SLC25A33: variants seen among roughly 807,000 people sequenced by gnomAD.
SLC25A33 encodes the protein solute carrier family 25 member 33.
In SLC25A33, 15 loss-of-function variants were observed where a neutral mutation model predicts 35.5. The observed-to-expected ratio is 0.42, with a 90% CI of 0.28 to 0.65. The LOEUF is 0.65. Ranked by LOEUF, SLC25A33 falls within the 30% of genes least tolerant of loss-of-function variation. The pLI is 0.20. For synonymous variants in SLC25A33, 136 were observed against 148.7 expected (o/e 0.91, Z 0.62); for missense variants, 257 against 398.5 (o/e 0.64, Z 3.02).
intron 5 of SLC25A33, 133 bp from the exon 6 acceptor site, chr1:9,579,821 A>G (rs1240089410): frequency 3.8e-6 from 4 of 1,061,950 alleles, no homozygotes; most frequent in Non-Finnish European, 5.4e-6. Context: ...GACAAGGGCT[A>G]TGAGAGTTAG....
chr1:9,567,837 A>G (rs1478447777), intron 3 of SLC25A33, among the ~76,000 whole-genome samples: 2 of 152,200 alleles, frequency 1.3e-5, no homozygotes, highest in African/African-American at 4.8e-5. Flanking sequence ...ATATCTTTGC[A>G]GGGCTTCTCC....
In SLC25A33 at chr1:9,553,229, G is replaced by GT. The variant is rs1643294202; in HGVS notation, c.57-397_57-396insT. Among the ~76,000 whole-genome samples the GT allele has an allele frequency of 1.6e-3, 85 of 53,008 alleles. 1 individual carries two copies. The highest frequency in any genetic ancestry group is 0.028 in the Middle Eastern group (1 of 36). 34.8% of individuals were successfully genotyped at this position (53,008 alleles called of 152,430 possible). ...TTTTTTTTTTTTTTTTTTTTTTTTG[G>GT]GTTTTTTTTTTGTTTGAGACGGAGT... On this transcript the variant is annotated intron_variant, in intron 1 of 6. Coordinates refer to ENST00000302692, the MANE Select transcript of SLC25A33 (RefSeq NM_032315.3).
At chr1:9,548,416 T>C (rs985431698) in intron 1 of SLC25A33, among the ~76,000 whole-genome samples, 1 of 152,050 alleles carries the variant, frequency 6.6e-6, no homozygotes, top group Non-Finnish European at 1.5e-5. Context: ...ACCCTGTCTC[T>C]ACTAAAAATA....
intron 1 of SLC25A33, among the ~76,000 whole-genome samples, chr1:9,550,881 T>TAATC: frequency 6.6e-6 from 1 of 152,004 alleles, no homozygotes; most frequent in South Asian, 2.1e-4. Flanking sequence ...TTTTGACCTG[T>TAATC]TGGCCAGGCT....
At chr1:9,580,881 AAT>A (rs1445016916) in intron 6 of SLC25A33, among the ~76,000 whole-genome samples, 2 of 148,690 alleles carry the variant, frequency 1.3e-5, no homozygotes, top group Non-Finnish European at 3.0e-5. Flanking sequence ...TAATAATAAT[AAT>A]AATAATAATA....
chr1:9,570,435 A>G (rs1643573037), intron 4 of SLC25A33, 77 bp downstream of exon 4: 1 of 1,214,028 alleles, frequency 8.2e-7, no homozygotes, highest in East Asian at 2.4e-5. Context: ...TTTTTCCAGG[A>G]ATTAGAAATT....
chr1:9,553,224 T>TG (rs1643293629), intron 1 of SLC25A33, among the ~76,000 whole-genome samples: 2 of 108,492 alleles, frequency 1.8e-5, no homozygotes, highest in African/African-American at 9.6e-5. Flanking sequence ...TTTTTTTTTT[T>TG]TTTGGGTTTT....
intron 5 of SLC25A33, chr1:9,576,782 G>T (rs557258134): frequency 1.7e-6 from 2 of 1,159,608 alleles, no homozygotes; most frequent in South Asian, 1.2e-5. Context: ...AAATACACCC[G>T]CAGGGTTCAG....
In SLC25A33 at chr1:9,577,820, G is replaced by T. The variant is rs189482965; in HGVS notation, c.483-2134G>T. On this transcript the variant is annotated intron_variant, in intron 5 of 6. Coordinates refer to ENST00000302692, the MANE Select transcript of SLC25A33 (RefSeq NM_032315.3). ...GTTTTTGGTGCCTAGTGTGAATAGA[G>T]GCCGGGATGCTGCTAAACCCTACAA... Among the ~76,000 whole-genome samples, 5 of 152,280 alleles carry T rather than the reference G, an allele frequency of 3.3e-5. No homozygotes were observed. In the East Asian group the frequency reaches 9.7e-4, roughly 29 times the overall value.
chr1:9,555,700 T>C (rs1449251340), intron 2 of SLC25A33, among the ~76,000 whole-genome samples: 1 of 152,034 alleles, frequency 6.6e-6, no homozygotes, highest in Non-Finnish European at 1.5e-5. Context: ...TGTTTTCTTT[T>C]TTGAGACAGA....
chr1:9,567,733 A>G (rs1222356247), intron 3 of SLC25A33, among the ~76,000 whole-genome samples: 1 of 152,192 alleles, frequency 6.6e-6, no homozygotes, highest in Non-Finnish European at 1.5e-5. Flanking sequence ...CTGCATTTTA[A>G]CAGAACCCCC....
At chr1:9,562,071 A>G (rs962448718) in intron 2 of SLC25A33, among the ~76,000 whole-genome samples, 12 of 149,786 alleles carry the variant, frequency 8.0e-5, no homozygotes, top group African/African-American at 2.7e-4. Flanking sequence ...AAAAGGGGCA[A>G]TATTCGTGTT....
rs562071528 is a variant in SLC25A33, at chr1:9,552,181, T to A, written c.57-1445T>A. On this transcript the variant is annotated intron_variant, in intron 1 of 6. Coordinates refer to ENST00000302692, the MANE Select transcript of SLC25A33 (RefSeq NM_032315.3). ...ACAGGATTAACTGATTAGTTGTGAA[T>A]GAGGGAAACACAAGGACTTCATTGT... 7.2e-5 allele frequency among the ~76,000 whole-genome samples: 11 copies of A among 152,232 alleles called. 1 individual carries two copies. Among genetic ancestry groups the A allele is most frequent in the Middle Eastern group, 3.4e-3 (1 of 294 alleles).
At position 9,549,996 on chromosome 1, in the gene SLC25A33, C is replaced by CATATATATAT. The variant is rs1314749490; in HGVS notation, c.57-3623_57-3614dup. On this transcript the variant is annotated intron_variant, in intron 1 of 6. Transcript: ENST00000302692. ...TATATGTATATATATTTTTTCTATACATATATATATATATATTTTTTTTTT... is the reference window on the plus strand; with the variant it reads ...TATATGTATATATATTTTTTCTATACATATATATATATATATATATATATATTTTTTTTTT... 3.4e-3 allele frequency among the ~76,000 whole-genome samples: 248 copies of CATATATATAT among 72,032 alleles called. 5 individuals carry two copies. Among genetic ancestry groups the CATATATATAT allele is most frequent in the African/African-American group, 0.015 (219 of 14,742 alleles). The allele number at this position is 72,032 out of a possible 152,430, so 47.3% of individuals were successfully genotyped here.
At chr1:9,556,455 T>C (rs767263287) in intron 2 of SLC25A33, among the ~76,000 whole-genome samples, 3 of 152,146 alleles carry the variant, frequency 2.0e-5, no homozygotes, top group Non-Finnish European at 4.4e-5. Flanking sequence ...TTATCTGAAA[T>C]GCTTGGGACC....
rs1167565021 is a variant in SLC25A33, at chr1:9,567,362, G to T, written c.314+1G>T. 1.2e-6 allele frequency: 2 copies of T among 1,613,412 alleles called. No individual in the cohort carries two copies. Among genetic ancestry groups the T allele is most frequent in the Non-Finnish European group, 8.5e-7 (1 of 1,179,788 alleles). On this transcript the variant is annotated splice_donor_variant, in intron 3 of 6. Transcript: ENST00000302692. LOFTEE classifies it high-confidence loss of function. ...ATTTGGTTGGAGTTGCACCATCAAGGTAAGCATTAAACTTTCCAGCTAGCT... is the reference window on the plus strand; with the variant it reads ...ATTTGGTTGGAGTTGCACCATCAAGTTAAGCATTAAACTTTCCAGCTAGCT...
At chr1:9,552,910 C>CTTTT (rs58092940) in intron 1 of SLC25A33, among the ~76,000 whole-genome samples, 22 of 94,174 alleles carry the variant, frequency 2.3e-4, no homozygotes, top group Non-Finnish European at 3.0e-4. Flanking sequence ...GGGATTTCAA[C>CTTTT]TTTTTTTTTT....
chr1:9,539,706 C>T lies in SLC25A33; in HGVS notation c.15C>T (p.Gly5=). The T allele has an allele frequency of 7.2e-7, 1 of 1,394,286 alleles. No homozygotes were observed. The highest frequency in any genetic ancestry group is 9.3e-7 in the Non-Finnish European group (1 of 1,072,860). The allele number at this position is 1,394,286 out of a possible 1,614,324, so 86.4% of individuals were successfully genotyped here. A position where few individuals can be genotyped will look rare whatever the true frequency, so the allele number is the denominator to read the frequency against. The change falls in exon 1 of 7, where the codon GGC becomes GGT. Residue 5 remains glycine, a synonymous_variant. Coordinates refer to ENST00000302692, the MANE Select transcript of SLC25A33 (RefSeq NM_032315.3). The stretch of plus-strand genomic sequence containing the variant: ...CCGGCGCGGCCATGGCGACGGGCGG[C>T]CAGCAGAAGGAGAACACGCTGCTTC... MATG[G]QQKENTLLHL... is the part of the protein sequence containing the mutation.
rs770512442 is a variant in SLC25A33, at chr1:9,553,718, A to G, written c.149A>G (p.Tyr50Cys). The change falls in exon 2 of 7, where the codon TAC (tyrosine) becomes TGC (cysteine). Residue 50 changes from tyrosine (Y) to cysteine (C), a missense_variant. Coordinates refer to ENST00000302692, the MANE Select transcript of SLC25A33 (RefSeq NM_032315.3). ...TCAAGATTAGCTCTCCGGACAGTCT[A>G]CTATCCTCAGGTTCATCTGGGGACC... ...QSSRLALRTV[Y>C]YPQVHLGTIS... 6.2e-6 allele frequency: 10 copies of G among 1,614,072 alleles called. No individual in the cohort carries two copies. In the African/African-American group the frequency reaches 8.0e-5, roughly 13 times the overall value.
Sources: allele counts gnomAD v4.1 joint callset (sites outside exome capture counted in the v4.1 genomes callset), GRCh38; gene constraint gnomAD v4.1.1; transcripts MANE v1.5; gene names NCBI Gene and HGNC (gene_info 2026-07-23, HGNC 2026-07-21).